The following CSN3 variants were observed in gnomAD, a reference collection of about 807,000 sequenced individuals.
The protein encoded by CSN3 is kappa-casein.
Under a neutral mutation model 9.9 loss-of-function variants are expected in CSN3, and 7 were observed. The observed-to-expected ratio is 0.71, with a 90% CI of 0.40 to 1.33. The LOEUF (loss-of-function observed/expected upper bound fraction) is 1.33. Ranked by LOEUF, CSN3 falls within the 40% of genes most tolerant of loss-of-function variation. The pLI is 0.01. For synonymous variants in CSN3, 88 were observed against 82.3 expected, an observed-to-expected ratio of 1.07 and a Z score of -0.37; for missense variants, 253 against 227.9, an observed-to-expected ratio of 1.11 and a Z score of -0.71.
At chr4:70,248,869 G>T (rs1472864583) in intron 3 of CSN3, 129 bp from the exon 4 acceptor site, 3 of 524,744 alleles carry the variant, frequency 5.7e-6, no homozygotes, top group East Asian at 3.1e-5. Context: ...TAATATTGCT[G>T]CTGGGTTCCA....
chr4:70,244,493 G>A (rs1335846562), intron 1 of CSN3, among the ~76,000 whole-genome samples: 2 of 151,798 alleles, frequency 1.3e-5, no homozygotes, highest in African/African-American at 2.4e-5. Flanking sequence ...TTGTTTTTCA[G>A]TATATGTTTC....
rs923624488 is a variant in CSN3, at chr4:70,249,097, T to TACCA, written c.190_193dup (p.Arg65ProfsTer3). The stretch of plus-strand genomic sequence containing the variant: ...CTATCCTTATTATGGAACCAATTTG[T>TACCA]ACCAACGTAGACCAGCTATAGCAAT... On this transcript the variant is annotated frameshift_variant, in exon 4 of 5. Coordinates refer to ENST00000304954, the Ensembl canonical transcript of CSN3. LOFTEE classifies it high-confidence loss of function. The TACCA allele has an allele frequency of 1.2e-6, 2 of 1,613,912 alleles. No homozygotes were observed. Among genetic ancestry groups the TACCA allele is most frequent in the African/African-American group, 2.7e-5 (2 of 74,918 alleles).
chr4:70,246,633 T>G (rs1009542209), intron 2 of CSN3, among the ~76,000 whole-genome samples: 4 of 151,914 alleles, frequency 2.6e-5, no homozygotes, highest in Admixed American at 2.6e-4. Flanking sequence ...ATTGTCAGAA[T>G]TTTTTAAAGT....
chr4:70,247,350 T>C (rs575920653), intron 2 of CSN3, among the ~76,000 whole-genome samples: 1 of 152,278 alleles, frequency 6.6e-6, no homozygotes, highest in South Asian at 2.1e-4. Flanking sequence ...ATTATTTATA[T>C]GTTAAGTTTA....
chr4:70,247,063 C>T (rs1730392099), intron 2 of CSN3, among the ~76,000 whole-genome samples: 3 of 152,148 alleles, frequency 2.0e-5, no homozygotes, highest in African/African-American at 7.2e-5. Flanking sequence ...ATTACCTTCT[C>T]AATTTTCTGA....
chr4:70,251,108 A>G (rs1294239573), intron 4 of CSN3, among the ~76,000 whole-genome samples, 154 bp from the exon 5 acceptor site: 1 of 152,196 alleles, frequency 6.6e-6, no homozygotes, highest in Non-Finnish European at 1.5e-5. Flanking sequence ...AGTTTACTAT[A>G]TGCCTATTTT....
intron 1 of CSN3, chr4:70,243,264 T>C: frequency 1.9e-6 from 1 of 539,146 alleles, no homozygotes; most frequent in Non-Finnish European, 2.4e-6. Context: ...ATATTTTCTT[T>C]TGTTTACATA....
At chr4:70,245,388 T>C (rs142933213) in intron 2 of CSN3, among the ~76,000 whole-genome samples, 3 of 152,286 alleles carry the variant, frequency 2.0e-5, no homozygotes, top group Non-Finnish European at 4.4e-5. Flanking sequence ...TCATTAACTT[T>C]TGTTATATTC....
chr4:70,246,864 G>T (rs937857376), intron 2 of CSN3, among the ~76,000 whole-genome samples: 1 of 151,712 alleles, frequency 6.6e-6, no homozygotes, highest in South Asian at 2.1e-4. Context: ...TAGAGGCAGG[G>T]TTTCACCATG....
At chr4:70,249,051 A>G (rs555054114) in exon 4 of CSN3, 1 of 1,613,474 alleles carries the variant, frequency 6.2e-7, no homozygotes, top group South Asian at 1.1e-5. Flanking sequence ...CATATGTCCC[A>G]ATGTATTATG....
chr4:70,244,930 G>T lies in CSN3; in HGVS notation c.54+57G>T, dbSNP rs974958730. 27 of 1,014,792 alleles carry T rather than the reference G, an allele frequency of 2.7e-5. No individual in the cohort carries two copies. The African/African-American group carries it at 4.1e-4, about 16-fold the overall frequency. The allele number at this position is 1,014,792 out of a possible 1,614,324, so 62.9% of individuals were successfully genotyped here. A position where few individuals can be genotyped will look rare whatever the true frequency, so the allele number is the denominator to read the frequency against. On this transcript the variant is annotated intron_variant, in intron 2 of 4. Coordinates refer to ENST00000304954, the Ensembl canonical transcript of CSN3. ...GACTTTAAGAAAATTTTGTTTAAGGGCTTTAACTATGCAAACTTCTAAATA... is the reference window on the plus strand; with the variant it reads ...GACTTTAAGAAAATTTTGTTTAAGGTCTTTAACTATGCAAACTTCTAAATA...
chr4:70,251,430 T>C (rs773958140), exon 5 of CSN3: 1 of 152,224 alleles, frequency 6.6e-6, no homozygotes, highest in Non-Finnish European at 1.5e-5. Flanking sequence ...TGATTGCAAC[T>C]GATTCTTTGA....
Position 70,247,869 on chromosome 4 carries a change from C to G in CSN3, c.87+19C>G. 2.5e-6 allele frequency: 4 copies of G among 1,588,496 alleles called. No individual in the cohort carries two copies. On this transcript the variant is annotated intron_variant, in intron 3 of 4. Transcript: ENST00000304954. ...ACCAGCAGTAAGTCTATTTTAATTACTTCTGTTACAGGCATGAACTACAAA... is the reference window on the plus strand; with the variant it reads ...ACCAGCAGTAAGTCTATTTTAATTAGTTCTGTTACAGGCATGAACTACAAA...
exon 4 of CSN3, chr4:70,249,096 G>T (rs1730433020): frequency 6.2e-7 from 1 of 1,613,798 alleles, no homozygotes; most frequent in East Asian, 2.2e-5. Flanking sequence ...GAACCAATTT[G>T]TACCAACGTA....
intron 1 of CSN3, among the ~76,000 whole-genome samples, chr4:70,243,902 T>C (rs1318212337): frequency 6.6e-6 from 1 of 152,092 alleles, no homozygotes; most frequent in African/African-American, 2.4e-5. Flanking sequence ...CAGTTATGAT[T>C]ACTGGAGAAG....
upstream of CSN3, among the ~76,000 whole-genome samples, chr4:70,240,410 A>C (rs1233798127): frequency 2.6e-5 from 4 of 151,922 alleles, no homozygotes; most frequent in Non-Finnish European, 5.9e-5. Context: ...CAATCCAGGG[A>C]CATTCCAGAA....
intron 1 of CSN3, among the ~76,000 whole-genome samples, chr4:70,244,464 CT>C (rs1247182056): frequency 3.9e-5 from 6 of 151,990 alleles, no homozygotes; most frequent in African/African-American, 9.7e-5. Context: ...GCATTTTCTA[CT>C]TTTTTTCCCT....
chr4:70,249,065 C>A (rs1310333338), exon 4 of CSN3: 1 of 1,613,712 alleles, frequency 6.2e-7, no homozygotes, highest in South Asian at 1.1e-5. Flanking sequence ...TATTATGTGC[C>A]AAATAGCTAT....
chr4:70,243,055 T>A (rs1434217096), intron 1 of CSN3: 3 of 314,324 alleles, frequency 9.5e-6, no homozygotes, highest in Non-Finnish European at 1.4e-5. Flanking sequence ...AAAGTCATAA[T>A]TTTATTTGTT....
Sources: gnomAD v4.1 joint callset for allele counts (sites outside exome capture counted in the v4.1 genomes callset) on GRCh38, gnomAD v4.1.1 for gene constraint, MANE v1.5 for transcripts, NCBI Gene and HGNC (gene_info 2026-07-23, HGNC 2026-07-21) for gene names.